EXOC4: variants seen among roughly 807,000 people sequenced by gnomAD.
EXOC4 encodes exocyst complex component 4.
A neutral mutation model predicts 107.2 loss-of-function variants in EXOC4; 71 were observed. That is an observed-to-expected ratio of 0.66 (90% CI 0.55 to 0.81). The LOEUF (loss-of-function observed/expected upper bound fraction) is 0.81, where lower values mean the gene tolerates loss of function less well. EXOC4 is among the 30% of genes least tolerant of loss of function. The pLI is 0.00. For synonymous variants in EXOC4, 456 were observed against 441.2 expected, an observed-to-expected ratio of 1.03 and a Z score of -0.42; for missense variants, 1,108 against 1,189.6, an observed-to-expected ratio of 0.93 and a Z score of 1.01.
intron 11 of EXOC4, among the ~76,000 whole-genome samples, chr7:133,844,667 C>T (rs978532341): frequency 2.0e-5 from 3 of 152,012 alleles, no homozygotes; most frequent in African/African-American, 7.2e-5. Context: ...GGATTACAAG[C>T]CACACATTCT....
chr7:133,520,704 C>T (rs1367578138), intron 9 of EXOC4, among the ~76,000 whole-genome samples: 2 of 152,056 alleles, frequency 1.3e-5, no homozygotes, highest in East Asian at 1.9e-4. Flanking sequence ...ATTTTTCCTC[C>T]TTCCAGTTGC....
At chr7:133,458,348 C>T (rs1563073617) in intron 7 of EXOC4, among the ~76,000 whole-genome samples, 1 of 152,218 alleles carries the variant, frequency 6.6e-6, no homozygotes, top group Non-Finnish European at 1.5e-5. Flanking sequence ...GTTTTGCTTT[C>T]AACTGTGATG....
At chr7:133,949,104 G>A (rs1800626525) in intron 14 of EXOC4, among the ~76,000 whole-genome samples, 2 of 152,172 alleles carry the variant, frequency 1.3e-5, no homozygotes, top group African/African-American at 4.8e-5. Context: ...TTCAGAAGCT[G>A]AGATGTAAAA....
chr7:133,368,277 G>A (rs1003550660), intron 6 of EXOC4, among the ~76,000 whole-genome samples: 3 of 152,142 alleles, frequency 2.0e-5, no homozygotes, highest in African/African-American at 7.2e-5. Flanking sequence ...CTTACTCTGT[G>A]GATTAGGCCT....
intron 9 of EXOC4, among the ~76,000 whole-genome samples, chr7:133,535,928 T>C (rs1800261658): frequency 6.6e-6 from 1 of 152,248 alleles, no homozygotes; most frequent in Non-Finnish European, 1.5e-5. Flanking sequence ...CAGGCAGTGC[T>C]AACACATTTG....
At chr7:133,467,226 C>CT (rs11422455) in intron 7 of EXOC4, among the ~76,000 whole-genome samples, 103,750 of 143,862 alleles carry the variant, frequency 0.72, 37,843 homozygotes, top group East Asian at 0.85. Flanking sequence ...TTTATTTCTC[C>CT]TTTTTTTTTT....
At chr7:133,324,506 G>A (rs1040407199) in intron 5 of EXOC4, among the ~76,000 whole-genome samples, 1 of 152,188 alleles carries the variant, frequency 6.6e-6, no homozygotes, top group Admixed American at 6.5e-5. Context: ...CAGTTTCCAT[G>A]TAGTTGTGTG....
At chr7:133,265,637 C>T (rs1036987253) in intron 1 of EXOC4, among the ~76,000 whole-genome samples, 7 of 152,110 alleles carry the variant, frequency 4.6e-5, no homozygotes, top group Middle Eastern at 3.2e-3. Context: ...ATGTGAAGCT[C>T]TACTTGTAAT....
intron 17 of EXOC4, among the ~76,000 whole-genome samples, chr7:134,014,106 C>T (rs1034363514): frequency 2.0e-5 from 3 of 152,080 alleles, no homozygotes; most frequent in African/African-American, 7.2e-5. Flanking sequence ...TGTATAATAG[C>T]CAAAAAGTAT....
intron 9 of EXOC4, among the ~76,000 whole-genome samples, chr7:133,620,045 C>G (rs1371870339): frequency 6.6e-6 from 1 of 151,446 alleles, no homozygotes; most frequent in African/African-American, 2.4e-5. Context: ...TGTTTTGAGA[C>G]AGAGTCTCCC....
chr7:133,848,134 A>G (rs1283265877), intron 11 of EXOC4, among the ~76,000 whole-genome samples: 1 of 152,108 alleles, frequency 6.6e-6, no homozygotes, highest in East Asian at 1.9e-4. Flanking sequence ...ACTGGGCGGT[A>G]CACTGCACCT....
chr7:133,536,649 A>G (rs1800275685), intron 9 of EXOC4, among the ~76,000 whole-genome samples: 1 of 151,836 alleles, frequency 6.6e-6, no homozygotes, highest in Admixed American at 6.6e-5. Flanking sequence ...TGTGAATAAC[A>G]GAGACTCAGC....
Position 133,983,578 on chromosome 7 carries a change from C to T in EXOC4, c.2207-13914C>T, listed in dbSNP as rs373250854. On this transcript the variant is annotated intron_variant, in intron 14 of 17. Coordinates refer to ENST00000253861, the MANE Select transcript of EXOC4 (RefSeq NM_021807.4). The stretch of plus-strand genomic sequence containing the variant: ...TTTCCAATTTACCCAGTGAATAAGC[C>T]GTTCCCTAAGGCTCTTTGGAAGATT... Among the ~76,000 whole-genome samples the T allele has an allele frequency of 3.9e-5, 6 of 151,932 alleles. 1 individual carries two copies. The East Asian group carries it at 9.6e-4, about 24-fold the overall frequency.
chr7:134,015,336 T>C (rs541633971), intron 17 of EXOC4, among the ~76,000 whole-genome samples: 12 of 152,344 alleles, frequency 7.9e-5, no homozygotes, highest in African/African-American at 2.9e-4. Context: ...CAGGGACTCT[T>C]TTTTGTTCAC....
chr7:133,931,090 T>A (rs1383814578), intron 13 of EXOC4, among the ~76,000 whole-genome samples: 1 of 152,204 alleles, frequency 6.6e-6, no homozygotes, highest in Non-Finnish European at 1.5e-5. Context: ...AATTAACTAT[T>A]TTCCAGTGAG....
intron 9 of EXOC4, among the ~76,000 whole-genome samples, chr7:133,601,218 G>A (rs187791607): frequency 6.6e-6 from 1 of 151,980 alleles, no homozygotes; most frequent in Non-Finnish European, 1.5e-5. Context: ...GCTGGATTTT[G>A]TTGTTTTATT....
At chr7:133,889,354 T>C (rs1799155854) in intron 11 of EXOC4, among the ~76,000 whole-genome samples, 1 of 151,662 alleles carries the variant, frequency 6.6e-6, no homozygotes, top group Non-Finnish European at 1.5e-5. Context: ...TTGGTTGTTG[T>C]TTTGAGTTCA....
chr7:133,498,541 T>C (rs1344307318), intron 9 of EXOC4, among the ~76,000 whole-genome samples: 1 of 152,110 alleles, frequency 6.6e-6, no homozygotes, highest in Non-Finnish European at 1.5e-5. Flanking sequence ...GCCGAGATCA[T>C]GCTACTGCAC....
At chr7:133,913,203 G>A (rs80150763) in intron 12 of EXOC4, among the ~76,000 whole-genome samples, 2 of 152,194 alleles carry the variant, frequency 1.3e-5, no homozygotes, top group African/African-American at 4.8e-5. Context: ...GCTAGGAATC[G>A]TGAACAGACA....
Sources: gnomAD v4.1 joint callset for allele counts (sites outside exome capture counted in the v4.1 genomes callset) on GRCh38, gnomAD v4.1.1 for gene constraint, MANE v1.5 for transcripts, NCBI Gene and HGNC (gene_info 2026-07-23, HGNC 2026-07-21) for gene names.